The following ATP2A2 variants were observed in gnomAD, a reference collection of about 807,000 sequenced individuals.
The protein encoded by ATP2A2 is ATPase sarcoplasmic/endoplasmic reticulum Ca2+ transporting 2, also known as sarcoplasmic/endoplasmic reticulum calcium ATPase 2.
In ATP2A2, 14 loss-of-function variants were observed where a neutral mutation model predicts 109.3. The observed-to-expected ratio is 0.13, with a 90% confidence interval of 0.08 to 0.20. The LOEUF is 0.20. Ranked by LOEUF, ATP2A2 falls within the 10% of genes least tolerant of loss-of-function variation. The pLI is 1.00. For missense variants in ATP2A2, 657 were observed against 1,321.6 expected, an observed-to-expected ratio of 0.50 and a Z score of 7.80; for synonymous variants, 506 against 490.9, an observed-to-expected ratio of 1.03 and a Z score of -0.41.
At position 110,349,144 on chromosome 12, in the gene ATP2A2, G is replaced by A. The variant is rs1880163982; in HGVS notation, c.*2674G>A. On this transcript the variant is annotated 3_prime_UTR_variant, in exon 20 of 20. Coordinates refer to ENST00000539276, the MANE Select transcript of ATP2A2 (RefSeq NM_170665.4). ...GTTAGGCCCACTGCTGTTTTGAGCA[G>A]GGCCACTTGCTCCATTTCACTGAAG... 1 of 985,322 alleles carries A rather than the reference G, an allele frequency of 1.0e-6. No individual in the cohort carries two copies. The highest frequency in any genetic ancestry group is 1.2e-6 in the Non-Finnish European group (1 of 829,854). The allele number at this position is 985,322 out of a possible 1,614,324, so 61.0% of individuals were successfully genotyped here. A position where few individuals can be genotyped will look rare whatever the true frequency, so the allele number is the denominator to read the frequency against.
chr12:110,281,788 C>T lies in ATP2A2; in HGVS notation c.-2C>T, dbSNP rs904785266. 2.0e-6 allele frequency: 3 copies of T among 1,510,642 alleles called. No homozygotes were observed. The highest frequency in any genetic ancestry group is 1.8e-6 in the Non-Finnish European group (2 of 1,127,418). 93.6% of individuals were successfully genotyped at this position (1,510,642 alleles called of 1,614,324 possible). A position where few individuals can be genotyped will look rare whatever the true frequency, so the allele number is the denominator to read the frequency against. On this transcript the variant is annotated 5_prime_UTR_variant, in exon 1 of 20. Coordinates refer to ENST00000539276, the MANE Select transcript of ATP2A2 (RefSeq NM_170665.4). ...GGCGAGGCCGGCCGGGCCCCCGAAG[C>T]CATGGAGAACGCGCACACCAAGACG...
In ATP2A2 at chr12:110,347,688, A is replaced by G. The variant is rs766643598; in HGVS notation, c.*1218A>G. Reference sequence around the variant, plus strand: ...ACCACCACCACCGTTACTACGATCAATGTTTGCGCATGTTCGAGATGAGTC... The same window carrying G: ...ACCACCACCACCGTTACTACGATCAGTGTTTGCGCATGTTCGAGATGAGTC... On this transcript the variant is annotated 3_prime_UTR_variant, in exon 20 of 20. Coordinates refer to ENST00000539276, the MANE Select transcript of ATP2A2 (RefSeq NM_170665.4). 400 of 1,170,110 alleles carry G rather than the reference A, an allele frequency of 3.4e-4. 1 individual carries two copies. The highest frequency in any genetic ancestry group is 7.9e-4 in the Middle Eastern group (2 of 2,536). 72.5% of individuals were successfully genotyped at this position (1,170,110 alleles called of 1,614,324 possible).
rs1443387543 is a variant in ATP2A2, at chr12:110,348,221, G to C, written c.*1751G>C. The C allele has an allele frequency of 1.4e-5, 14 of 985,408 alleles. No individual in the cohort carries two copies. The highest frequency in any genetic ancestry group is 1.6e-5 in the Non-Finnish European group (13 of 829,960). 61.0% of individuals were successfully genotyped at this position (985,408 alleles called of 1,614,324 possible). On this transcript the variant is annotated 3_prime_UTR_variant, in exon 20 of 20. Coordinates refer to ENST00000539276, the MANE Select transcript of ATP2A2 (RefSeq NM_170665.4). ...GCAAGTAACTGAACCAGTGAACTCT[G>C]GGTATCGATAGGTTCGTCTTAAATA...
At chr12:110,293,870 A>ATTTTTTTTTTT in intron 4 of ATP2A2, among the ~76,000 whole-genome samples, 1 of 73,342 alleles carries the variant, frequency 1.4e-5, no homozygotes. Flanking sequence ...GTGTGTATAT[A>ATTTTTTTTTTT]TTTTTTTTTT....
At position 110,339,097 on chromosome 12, in the gene ATP2A2, T is replaced by G. The variant is rs1299310495; in HGVS notation, c.1420-184T>G. On this transcript the variant is annotated intron_variant, in intron 11 of 19. Coordinates refer to ENST00000539276, the MANE Select transcript of ATP2A2 (RefSeq NM_170665.4). This position sits in a 1 kb window ranked among gnomAD's most constrained non-coding sequence, Gnocchi z 4.4. The stretch of plus-strand genomic sequence containing the variant: ...CCCTTTTTCTCTATAGCACTTGTGT[T>G]ACTTTTGCATCTTAGTCTGTCTCTC... 6.6e-6 allele frequency among the ~76,000 whole-genome samples: 1 copy of G among 152,208 alleles called. No homozygotes were observed. The highest frequency in any genetic ancestry group is 1.5e-5 in the Non-Finnish European group (1 of 68,040).
At chr12:110,310,794 G>A (rs1468200918) in intron 5 of ATP2A2, among the ~76,000 whole-genome samples, 2 of 152,166 alleles carry the variant, frequency 1.3e-5, no homozygotes, top group Admixed American at 6.5e-5. Context: ...AAACTTGACA[G>A]CAATTTAAAG....
chr12:110,331,836 C>T (rs1252742822), intron 8 of ATP2A2: 1 of 152,106 alleles, frequency 6.6e-6, no homozygotes, highest in Non-Finnish European at 1.5e-5. Flanking sequence ...TCTTACTTTT[C>T]CAAACTGGGC....
chr12:110,340,538 CAA>C lies in ATP2A2; in HGVS notation c.1762-109_1762-108del, dbSNP rs936356149. 2,117 of 895,762 alleles carry C rather than the reference CAA, an allele frequency of 2.4e-3. No homozygotes were observed. The highest frequency in any genetic ancestry group is 2.6e-3 in the Non-Finnish European group (1,667 of 636,912). The allele number at this position is 895,762 out of a possible 1,614,324, so 55.5% of individuals were successfully genotyped here. On this transcript the variant is annotated intron_variant, in intron 13 of 19. Transcript: ENST00000539276. This position sits in a 1 kb window ranked among gnomAD's most constrained non-coding sequence, Gnocchi z 6.0. ...GGGCAACAAGAGCGAAACTCCGCCT[CAA>C]AAAAAAAAAAAGAAAAAAAATGCAG... is the stretch of plus-strand genomic sequence containing the variant.
rs534893848 is a variant in ATP2A2 at position 110,348,829 on chromosome 12, A to G, written c.*2359A>G. 1 of 985,496 alleles carries G rather than the reference A, an allele frequency of 1.0e-6. No homozygotes were observed. Among genetic ancestry groups the G allele is most frequent in the Admixed American group, 6.1e-5 (1 of 16,288 alleles). 61.0% of individuals were successfully genotyped at this position (985,496 alleles called of 1,614,324 possible). On this transcript the variant is annotated 3_prime_UTR_variant, in exon 20 of 20. Transcript: ENST00000539276. ...GGGGGTAAATTTTGCCAGTTTGAGCATCATGAGGTGTAACAAGAAATGGGT... is the reference window on the plus strand; with the variant it reads ...GGGGGTAAATTTTGCCAGTTTGAGCGTCATGAGGTGTAACAAGAAATGGGT...
intron 6 of ATP2A2, among the ~76,000 whole-genome samples, chr12:110,323,955 C>T (rs569839095): frequency 6.6e-6 from 1 of 152,246 alleles, no homozygotes; most frequent in South Asian, 2.1e-4. Context: ...AATGTTGTAT[C>T]AATCTTTACA....
chr12:110,330,466 A>G (rs1376642994), intron 8 of ATP2A2: 2 of 152,212 alleles, frequency 1.3e-5, no homozygotes, highest in African/African-American at 4.8e-5. Context: ...GTTTTGTCAT[A>G]CTGGTTGTTT....
Position 110,281,981 on chromosome 12 carries a change from A to T in ATP2A2, c.118+74A>T, listed in dbSNP as rs547248090. 2.4e-6 allele frequency: 3 copies of T among 1,261,488 alleles called. No homozygotes were observed. The South Asian group carries it at 4.2e-5, about 17-fold the overall frequency. 78.1% of individuals were successfully genotyped at this position (1,261,488 alleles called of 1,614,324 possible). ...CAGGGAAGATGGCTGACCGGGCTCC[A>T]CCTCGTGGGCTTCGGCTCCGCGCCC... On this transcript the variant is annotated intron_variant, in intron 1 of 19. Transcript: ENST00000539276.
Position 110,339,108 on chromosome 12 carries a change from C to T in ATP2A2, c.1420-173C>T, listed in dbSNP as rs7978027. 1.3e-5 allele frequency among the ~76,000 whole-genome samples: 2 copies of T among 152,140 alleles called. No individual in the cohort carries two copies. The highest frequency in any genetic ancestry group is 4.8e-5 in the African/African-American group (2 of 41,430). ...TATAGCACTTGTGTTACTTTTGCAT[C>T]TTAGTCTGTCTCTCCCAAAATAGGG... On this transcript the variant is annotated intron_variant, in intron 11 of 19. Coordinates refer to ENST00000539276, the MANE Select transcript of ATP2A2 (RefSeq NM_170665.4). The surrounding 1 kb of genome is among the most constrained non-coding windows in gnomAD (Gnocchi z 4.4).
intron 3 of ATP2A2, among the ~76,000 whole-genome samples, chr12:110,285,292 C>A (rs187963758): frequency 6.6e-6 from 1 of 152,298 alleles, no homozygotes; most frequent in Non-Finnish European, 1.5e-5. Context: ...AAATAAGCTT[C>A]ATCTTCCAGT....
chr12:110,329,512 G>A (rs1001697538), intron 8 of ATP2A2: 3 of 152,248 alleles, frequency 2.0e-5, no homozygotes, highest in African/African-American at 7.2e-5. Context: ...CGCCTTCTGG[G>A]TTCAAGCAAT....
Position 110,345,311 on chromosome 12 carries a change from T to C in ATP2A2, c.2670T>C (p.Phe890=). Residue 890 remains phenylalanine, a synonymous_variant, in exon 18 of 20, where the codon TTT becomes TTC. Coordinates refer to ENST00000539276, the MANE Select transcript of ATP2A2 (RefSeq NM_170665.4). ...PDFEGVDCAI[F]ESPYPMTMAL... ...TTGAAGGCGTGGATTGTGCAATCTT[T>C]GAATCCCCATACCCGATGACAATGG... The C allele has an allele frequency of 6.2e-7, 1 of 1,614,180 alleles. No individual in the cohort carries two copies.
At chr12:110,332,795 C>A in intron 9 of ATP2A2, 110 bp downstream of exon 9, 2 of 976,364 alleles carry the variant, frequency 2.0e-6, no homozygotes, top group South Asian at 1.3e-5. Flanking sequence ...TGGCTCAAGT[C>A]AACACTTATT....
chr12:110,319,662 A>G (rs1481472837), intron 5 of ATP2A2, among the ~76,000 whole-genome samples: 2 of 149,210 alleles, frequency 1.3e-5, no homozygotes, highest in Non-Finnish European at 1.5e-5. Flanking sequence ...TAATAAATCT[A>G]TACTACACAT....
chr12:110,285,829 T>G (rs977594740), intron 3 of ATP2A2, among the ~76,000 whole-genome samples: 58 of 152,282 alleles, frequency 3.8e-4, no homozygotes, highest in African/African-American at 1.4e-3. Context: ...CTTTCTAGAC[T>G]GTGGTACTTC....
Sources: allele counts gnomAD v4.1 joint callset (sites outside exome capture counted in the v4.1 genomes callset), GRCh38; gene constraint gnomAD v4.1.1; non-coding constraint Gnocchi (gnomAD v3.1); transcripts MANE v1.5; gene names NCBI Gene and HGNC (gene_info 2026-07-23, HGNC 2026-07-21).